The following HCN1 variants were observed in gnomAD, a reference collection of about 807,000 sequenced individuals.
HCN1 encodes the protein hyperpolarization activated cyclic nucleotide gated potassium channel 1.
A neutral mutation model predicts 78.9 loss-of-function variants in HCN1; 13 were observed. That is an observed-to-expected ratio of 0.16 (90% CI 0.11 to 0.26). HCN1 has a LOEUF of 0.26. Ranked by LOEUF, HCN1 falls within the 10% of genes least tolerant of loss-of-function variation. The pLI is 1.00. For missense variants in HCN1, 810 were observed against 1,154.3 expected (o/e 0.70, Z 4.32); for synonymous variants, 552 against 455.5 (o/e 1.21, Z -2.70).
Position 45,581,129 on chromosome 5 carries a change from G to T in HCN1, c.849+64056C>A, listed in dbSNP as rs1251677921. Among the ~76,000 whole-genome samples the T allele has an allele frequency of 3.3e-5, 5 of 152,192 alleles. No individual in the cohort carries two copies. In the South Asian group the frequency reaches 6.2e-4, roughly 19 times the overall value. ...AATCGCCACACTGACTTCCACAATG[G>T]TTGAACTAGTTTACAGTCCCACCAA... On this transcript the variant is annotated intron_variant, in intron 2 of 7. Transcript: ENST00000303230.
At chr5:45,570,912 T>G (rs1344416683) in intron 2 of HCN1, among the ~76,000 whole-genome samples, 1 of 152,148 alleles carries the variant, frequency 6.6e-6, no homozygotes, top group East Asian at 1.9e-4. Context: ...AGTATATTTT[T>G]CTATTCTATC....
chr5:45,386,749 G>T (rs1209840442), intron 4 of HCN1, among the ~76,000 whole-genome samples: 5 of 152,070 alleles, frequency 3.3e-5, no homozygotes, highest in Non-Finnish European at 5.9e-5. Context: ...CTCATTGGAA[G>T]AAAAACTTGA....
Position 45,262,241 on chromosome 5 carries a change from G to A in HCN1, c.2353C>T (p.Pro785Ser), listed in dbSNP as rs778039525. Residue 785 changes from proline to serine, a missense_variant, in exon 8 of 8, where the codon CCA becomes TCA. This residue lies in a region of HCN1 where 398 missense variants were observed against 381.3 expected (regional missense o/e 1.04). Coordinates refer to ENST00000303230, the MANE Select transcript of HCN1 (RefSeq NM_021072.4). ...AGCGAGGGCTGCGAGGCGGAGAGTG[G>A]CCTGACTTCCCGGGTCAGGTTGGTG... ...HNTNLTREVR[P>S]LSASQPSLPH... 8 of 1,613,908 alleles carry A rather than the reference G, an allele frequency of 5.0e-6. No individual in the cohort carries two copies. Among genetic ancestry groups the A allele is most frequent in the South Asian group, 1.1e-5 (1 of 91,096 alleles).
rs757356782 is a variant in HCN1, at chr5:45,257,173, G to C, written c.*4748C>G. 6.6e-6 allele frequency: 1 copy of C among 152,042 alleles called. No individual in the cohort carries two copies. Among genetic ancestry groups the C allele is most frequent in the Non-Finnish European group, 1.5e-5 (1 of 68,012 alleles). The allele number at this position is 152,042 out of a possible 1,614,324, so 9.4% of individuals were successfully genotyped here. A position where few individuals can be genotyped will look rare whatever the true frequency, so the allele number is the denominator to read the frequency against. ...AGACATTTCAATGTGAATCCTCCCC[G>C]TTGATAAGCTTAAATTAAGAATATA... On this transcript the variant is annotated 3_prime_UTR_variant, in exon 8 of 8. Transcript: ENST00000303230.
chr5:45,522,805 A>G (rs1021898128), intron 2 of HCN1, among the ~76,000 whole-genome samples: 13 of 151,800 alleles, frequency 8.6e-5, no homozygotes, highest in African/African-American at 3.1e-4. Flanking sequence ...CGCTCATGTC[A>G]TTTATTTACA....
chr5:45,694,419 G>A (rs1198999574), intron 1 of HCN1, among the ~76,000 whole-genome samples: 2 of 152,160 alleles, frequency 1.3e-5, no homozygotes, highest in East Asian at 1.9e-4. Flanking sequence ...GCCTTTGTGT[G>A]GCGGGACTGT....
In HCN1 at chr5:45,260,674, A is replaced by G. The variant is rs1407247384; in HGVS notation, c.*1247T>C. Reference sequence around the variant, plus strand: ...TACCAGCTACAGTGAAGACACAGACAACACTTAACTCCAAATCAAGCTGTG... The same window carrying G: ...TACCAGCTACAGTGAAGACACAGACGACACTTAACTCCAAATCAAGCTGTG... On this transcript the variant is annotated 3_prime_UTR_variant, in exon 8 of 8. Transcript: ENST00000303230. 1.3e-5 allele frequency: 2 copies of G among 152,660 alleles called. No homozygotes were observed. Among genetic ancestry groups the G allele is most frequent in the Non-Finnish European group, 2.9e-5 (2 of 68,032 alleles). The allele number at this position is 152,660 out of a possible 1,614,324, so 9.5% of individuals were successfully genotyped here.
At chr5:45,512,242 A>C (rs78687420) in intron 2 of HCN1, among the ~76,000 whole-genome samples, 5,014 of 152,162 alleles carry the variant, frequency 0.033, 265 homozygotes, top group African/African-American at 0.11. Flanking sequence ...TTTTTTCCAA[A>C]ATGCTATTTG....
intron 5 of HCN1, among the ~76,000 whole-genome samples, chr5:45,345,181 T>C (rs1329700268): frequency 6.6e-6 from 1 of 152,152 alleles, no homozygotes; most frequent in Admixed American, 6.6e-5. Flanking sequence ...GCCCCTTTTA[T>C]CAATGGCTGA....
intron 6 of HCN1, among the ~76,000 whole-genome samples, chr5:45,276,281 TA>T (rs1365087831): frequency 1.3e-5 from 2 of 152,104 alleles, no homozygotes; most frequent in Non-Finnish European, 2.9e-5. Flanking sequence ...TCTATTTGTT[TA>T]ATGCAAAAAT....
At chr5:45,451,424 T>G (rs1372629591) in intron 3 of HCN1, among the ~76,000 whole-genome samples, 1 of 152,090 alleles carries the variant, frequency 6.6e-6, no homozygotes, top group Non-Finnish European at 1.5e-5. Flanking sequence ...CATTTTGGTT[T>G]GATTTGCCTA....
chr5:45,494,231 T>C (rs896864315), intron 2 of HCN1, among the ~76,000 whole-genome samples: 62 of 152,172 alleles, frequency 4.1e-4, no homozygotes, highest in Admixed American at 1.6e-3. Context: ...TGTAAAAGTG[T>C]TCCTATTTCT....
At chr5:45,503,074 T>C (rs866276656) in intron 2 of HCN1, among the ~76,000 whole-genome samples, 17 of 152,208 alleles carry the variant, frequency 1.1e-4, no homozygotes, top group Admixed American at 2.6e-4. Flanking sequence ...ATGAAACTTA[T>C]TGTAGGATAA....
intron 5 of HCN1, among the ~76,000 whole-genome samples, chr5:45,336,586 T>C (rs1337455501): frequency 1.3e-5 from 2 of 152,086 alleles, no homozygotes; most frequent in African/African-American, 2.4e-5. Context: ...ACTTGAACAA[T>C]TGTTTGATGA....
intron 2 of HCN1, among the ~76,000 whole-genome samples, chr5:45,502,971 GTA>G (rs979568154): frequency 1.3e-5 from 2 of 152,024 alleles, no homozygotes; most frequent in African/African-American, 4.8e-5. Context: ...CACTATGTTG[GTA>G]TATACATGTT....
intron 6 of HCN1, among the ~76,000 whole-genome samples, chr5:45,300,782 T>C (rs982354042): frequency 6.6e-6 from 1 of 152,084 alleles, no homozygotes; most frequent in African/African-American, 2.4e-5. Context: ...TCTTTCTTTT[T>C]CCCCTTCATT....
intron 3 of HCN1, among the ~76,000 whole-genome samples, chr5:45,433,122 A>T (rs367791349): frequency 6.6e-6 from 1 of 152,174 alleles, no homozygotes; most frequent in South Asian, 2.1e-4. Flanking sequence ...ATAATTCAAG[A>T]TGAAATTTGA....
At chr5:45,423,711 A>C (rs753790172) in intron 3 of HCN1, among the ~76,000 whole-genome samples, 1 of 152,050 alleles carries the variant, frequency 6.6e-6, no homozygotes, top group Admixed American at 6.6e-5. Flanking sequence ...CTCTCAACTC[A>C]CTTGTTTACT....
intron 1 of HCN1, among the ~76,000 whole-genome samples, chr5:45,679,858 T>G (rs1043089379): frequency 1.3e-5 from 2 of 152,058 alleles, no homozygotes; most frequent in African/African-American, 4.8e-5. Context: ...TGACACTGAT[T>G]TAAGAACACA....
Sources: allele counts gnomAD v4.1 joint callset (sites outside exome capture counted in the v4.1 genomes callset), GRCh38; gene constraint gnomAD v4.1.1; regional missense constraint gnomAD v4.1.1; transcripts MANE v1.5; gene names NCBI Gene and HGNC (gene_info 2026-07-23, HGNC 2026-07-21).